Variants in MMP17 observed in about 807,000 individuals in gnomAD.
The protein encoded by MMP17 is matrix metalloproteinase-17.
A neutral mutation model predicts 49.1 loss-of-function variants in MMP17; 54 were observed. The ratio of observed to expected loss-of-function variants is 1.10; its 90% CI spans 0.88 to 1.38. The LOEUF is 1.38. Among genes scored for constraint, MMP17 ranks in the 40% most tolerant of loss-of-function variants. The pLI, the probability that MMP17 is intolerant of heterozygous loss-of-function variation, is 0.00. For missense variants in MMP17, 837 were observed against 853.7 expected (o/e 0.98, Z 0.24); for synonymous variants, 397 against 383.1 (o/e 1.04, Z -0.42).
At chr12:131,836,965 C>T (rs1593225624) in intron 1 of MMP17, among the ~76,000 whole-genome samples, 1 of 151,414 alleles carries the variant, frequency 6.6e-6, no homozygotes, top group African/African-American at 2.4e-5. Context: ...CCAGGCCCCC[C>T]TGTCCCCAGG....
chr12:131,844,753 C>A, intron 6 of MMP17: 1 of 312,592 alleles, frequency 3.2e-6, no homozygotes, highest in Non-Finnish European at 6.2e-6. Flanking sequence ...GCTGTGAACA[C>A]GCTTCTTGTA....
intron 8 of MMP17, among the ~76,000 whole-genome samples, chr12:131,847,617 G>A (rs538355000): frequency 6.8e-4 from 104 of 152,326 alleles, no homozygotes; most frequent in Non-Finnish European, 1.0e-3. Context: ...TGTTCAGGCC[G>A]CTTCCCCCAG....
chr12:131,830,924 T>C (rs1170099219), intron 1 of MMP17, among the ~76,000 whole-genome samples: 2 of 152,198 alleles, frequency 1.3e-5, no homozygotes, highest in Non-Finnish European at 2.9e-5. Context: ...GTTTTTTGTC[T>C]TTCTGTGTTT....
intron 1 of MMP17, among the ~76,000 whole-genome samples, chr12:131,832,774 A>G (rs1017152469): frequency 3.3e-5 from 5 of 151,998 alleles, no homozygotes; most frequent in Admixed American, 2.0e-4. Flanking sequence ...TGTTGGCCCC[A>G]AGGGCTCCAC....
chr12:131,841,028 C>G (rs1887380263), intron 4 of MMP17, among the ~76,000 whole-genome samples, 172 bp downstream of exon 4: 1 of 152,266 alleles, frequency 6.6e-6, no homozygotes, highest in Middle Eastern at 3.2e-3. Flanking sequence ...TGTGCTCGGC[C>G]CGGCTGACCT....
At chr12:131,843,236 G>T (rs1338003195) in intron 5 of MMP17, among the ~76,000 whole-genome samples, 1 of 149,660 alleles carries the variant, frequency 6.7e-6, no homozygotes, top group African/African-American at 2.5e-5. Flanking sequence ...AAAGTGCTGG[G>T]ATTATAGGCG....
intron 1 of MMP17, among the ~76,000 whole-genome samples, chr12:131,830,733 G>T (rs1183536977): frequency 6.6e-6 from 1 of 152,240 alleles, no homozygotes; most frequent in Non-Finnish European, 1.5e-5. Flanking sequence ...ACCCAGCAGG[G>T]CTGGAGCCGG....
intron 1 of MMP17, among the ~76,000 whole-genome samples, chr12:131,834,278 G>A (rs977735264): frequency 2.0e-5 from 3 of 148,166 alleles, no homozygotes; most frequent in South Asian, 2.3e-4. Context: ...GCCCCCTCCC[G>A]CCTCCTCCCT....
chr12:131,845,218 G>T lies in MMP17; in HGVS notation c.1051+18G>T, dbSNP rs370411599. 23 of 1,613,932 alleles carry T rather than the reference G, an allele frequency of 1.4e-5. No individual in the cohort carries two copies. The highest frequency in any genetic ancestry group is 1.9e-5 in the Non-Finnish European group (23 of 1,179,950). ...CTTCAAAGGTACCTCCAGGGTTCCC[G>T]TGGCGGTTGGCTGAGGGCCATGGCC... is the stretch of plus-strand genomic sequence containing the variant. On this transcript the variant is annotated intron_variant, in intron 7 of 9. Transcript: ENST00000360564.
chr12:131,842,262 G>A (rs1887453303), intron 5 of MMP17, among the ~76,000 whole-genome samples: 1 of 152,158 alleles, frequency 6.6e-6, no homozygotes, highest in Non-Finnish European at 1.5e-5. Context: ...CCTGTCCTGG[G>A]AGCTGGTGCC....
intron 6 of MMP17, 156 bp from the exon 7 acceptor site, chr12:131,844,962 G>T: frequency 1.5e-6 from 1 of 687,964 alleles, no homozygotes; most frequent in Non-Finnish European, 2.5e-6. Context: ...AGGCACCCCC[G>T]TTTTAATTTG....
At chr12:131,829,797 G>T (rs1404997131) in intron 1 of MMP17, among the ~76,000 whole-genome samples, 1 of 152,264 alleles carries the variant, frequency 6.6e-6, no homozygotes, top group African/African-American at 2.4e-5. Flanking sequence ...TGGCCAGGGG[G>T]TCTGGATGGG....
At chr12:131,845,619 T>C (rs1887668331) in intron 8 of MMP17, among the ~76,000 whole-genome samples, 170 bp downstream of exon 8, 1 of 152,194 alleles carries the variant, frequency 6.6e-6, no homozygotes, top group Non-Finnish European at 1.5e-5. Context: ...GAGCACCTAC[T>C]GTATGCCCCG....
intron 3 of MMP17, among the ~76,000 whole-genome samples, chr12:131,839,298 A>C (rs1887257591): frequency 6.7e-6 from 1 of 149,500 alleles, no homozygotes; most frequent in Non-Finnish European, 1.5e-5. Flanking sequence ...CCCTCATGAC[A>C]TCCACAAAGA....
At position 131,844,419 on chromosome 12, in the gene MMP17, C is replaced by T. The variant is rs1330937032; in HGVS notation, c.968+338C>T. ...GAAGTCAGGCAGGGCCTGCGAGTGT[C>T]TGGCCTGTGCCCCCAGCGGGAGGGA... On this transcript the variant is annotated intron_variant, in intron 6 of 9. Transcript: ENST00000360564. 7.0e-5 allele frequency: 26 copies of T among 368,930 alleles called. No individual in the cohort carries two copies. The South Asian group carries it at 7.7e-4, about 11-fold the overall frequency. The allele number at this position is 368,930 out of a possible 1,614,324, so 22.9% of individuals were successfully genotyped here.
intron 6 of MMP17, 73 bp downstream of exon 6, chr12:131,844,154 C>G (rs1799127968): frequency 7.6e-7 from 1 of 1,308,194 alleles, no homozygotes; most frequent in African/African-American, 1.5e-5. Flanking sequence ...CAACATTTGC[C>G]CCAAATCGTG....
chr12:131,841,758 G>T lies in MMP17; in HGVS notation c.841G>T (p.Gly281Trp). 1 of 1,611,922 alleles carries T rather than the reference G, an allele frequency of 6.2e-7. No individual in the cohort carries two copies. The highest frequency in any genetic ancestry group is 2.2e-5 in the East Asian group (1 of 44,810). ...QGPVGDPLRY[G>W]LPYEDKVRVW... ...CCCGGTGGGTGACCCGCTGCGCTAC[G>T]GGCTCCCCTACGAGGACAAGGTGCG... The change falls in exon 5 of 10, where the codon GGG (glycine) becomes TGG (tryptophan). Residue 281 changes from glycine to tryptophan, a missense_variant. By Grantham distance (184) the Gly-to-Trp change is radical. Coordinates refer to ENST00000360564, the MANE Select transcript of MMP17 (RefSeq NM_016155.7).
intron 5 of MMP17, among the ~76,000 whole-genome samples, chr12:131,843,220 C>T (rs1264850651): frequency 6.6e-6 from 1 of 151,556 alleles, no homozygotes; most frequent in Non-Finnish European, 1.5e-5. Context: ...CCCACCTCGG[C>T]CTCCCAAAGT....
In MMP17 at chr12:131,846,895, G is replaced by T. The variant is rs1006984347; in HGVS notation, c.1204+1446G>T. On this transcript the variant is annotated intron_variant, in intron 8 of 9. Coordinates refer to ENST00000360564, the MANE Select transcript of MMP17 (RefSeq NM_016155.7). This position sits in a 1 kb window ranked among gnomAD's most constrained non-coding sequence, Gnocchi z 4.6. ...GGGAACCACTTCCTGTAACTCCATC[G>T]CCTGCCCGGCCCTCAGCATTTGACT... is the stretch of plus-strand genomic sequence containing the variant. Among the ~76,000 whole-genome samples the T allele has an allele frequency of 7.2e-5, 11 of 152,054 alleles. No individual in the cohort carries two copies. The highest frequency in any genetic ancestry group is 1.5e-4 in the Non-Finnish European group (10 of 68,014).
Sources: gnomAD v4.1 joint callset for allele counts (sites outside exome capture counted in the v4.1 genomes callset) on GRCh38, gnomAD v4.1.1 for gene constraint, Gnocchi (gnomAD v3.1) non-coding constraint, MANE v1.5 for transcripts, NCBI Gene and HGNC (gene_info 2026-07-23, HGNC 2026-07-21) for gene names.